Variants in HYDIN observed in about 807,000 individuals in gnomAD.
The protein encoded by HYDIN is axonemal central pair apparatus protein HYDIN.
In HYDIN, 132 loss-of-function variants were observed where a neutral mutation model predicts 403.9. That is an observed-to-expected ratio of 0.33 (90% CI 0.28 to 0.38). HYDIN has a LOEUF of 0.38. Among genes scored for constraint, HYDIN ranks in the 10% least tolerant of loss-of-function variants. HYDIN has a pLI of 1.00. For missense variants in HYDIN, 2,827 were observed against 5,009.5 expected (o/e 0.56, Z 13.15); for synonymous variants, 1,202 against 1,891.7 (o/e 0.64, Z 9.46).
Position 71,186,888 on chromosome 16 carries a change from C to G in HYDIN, c.8G>C (p.Ser3Thr), listed in dbSNP as rs1246436400. The G allele has an allele frequency of 6.2e-7, 1 of 1,608,922 alleles. No individual in the cohort carries two copies. The highest frequency in any genetic ancestry group is 1.7e-5 in the Admixed American group (1 of 59,362). Residue 3 changes from serine (S) to threonine (T), a missense_variant, in exon 2 of 86, where the codon AGT (serine) becomes ACT (threonine). Coordinates refer to ENST00000393567, the MANE Select transcript of HYDIN (RefSeq NM_001270974.2). ...CCCCATGGACTCCTCAAGTCTTCTACTTGTCATTTTTAGTAATTTTTTTTT... is the reference window on the plus strand; with the variant it reads ...CCCCATGGACTCCTCAAGTCTTCTAGTTGTCATTTTTAGTAATTTTTTTTT... MTSRRLEESMGAV... is the reference protein window; with the variant it reads MTTRRLEESMGAV...
chr16:70,920,610 T>C lies in HYDIN; in HGVS notation c.7766A>G (p.Lys2589Arg), dbSNP rs1774395. ...CCATACCTGCTCTCCTTTGGGAAGC[T>C]TGTCGCTCTCTAGGGCCTGCTTCCA... ...LSWKQALESD[K>R]LPKGEQILDI... The change falls in exon 46 of 86, where the codon AAG becomes AGG. Residue 2589 changes from lysine to arginine, a missense_variant. Coordinates refer to ENST00000393567, the MANE Select transcript of HYDIN (RefSeq NM_001270974.2). 2 of 1,613,412 alleles carry C rather than the reference T, an allele frequency of 1.2e-6. No individual in the cohort carries two copies. The highest frequency in any genetic ancestry group is 2.2e-5 in the East Asian group (1 of 44,880).
At chr16:71,048,873 A>G (rs1266421454) in intron 18 of HYDIN, among the ~76,000 whole-genome samples, 1 of 152,196 alleles carries the variant, frequency 6.6e-6, no homozygotes, top group Non-Finnish European at 1.5e-5. Flanking sequence ...CTAAAGTAAA[A>G]GTTAAAAAAA....
At chr16:71,173,066 C>T (rs1030664665) in intron 5 of HYDIN, among the ~76,000 whole-genome samples, 4 of 152,290 alleles carry the variant, frequency 2.6e-5, no homozygotes, top group South Asian at 4.1e-4. Context: ...TAACTGACTA[C>T]GCCATCATCA....
intron 80 of HYDIN, among the ~76,000 whole-genome samples, chr16:70,830,471 A>T (rs959891796): frequency 6.3e-5 from 9 of 143,474 alleles, no homozygotes; most frequent in African/African-American, 2.5e-4. Flanking sequence ...TTTTAGTTGA[A>T]AAAGGAGGAC....
At chr16:70,951,041 C>G (rs535148907) in intron 41 of HYDIN, among the ~76,000 whole-genome samples, 3 of 152,218 alleles carry the variant, frequency 2.0e-5, no homozygotes. Context: ...TCAAGACCAG[C>G]CTGGGCAACA....
At chr16:71,144,625 A>G (rs1482971095) in intron 7 of HYDIN, among the ~76,000 whole-genome samples, 1 of 151,260 alleles carries the variant, frequency 6.6e-6, no homozygotes, top group Non-Finnish European at 1.5e-5. Flanking sequence ...TCTGGTTCAG[A>G]AAAACATTAA....
intron 6 of HYDIN, among the ~76,000 whole-genome samples, chr16:71,158,360 A>G (rs1189622015): frequency 6.6e-6 from 1 of 152,200 alleles, no homozygotes; most frequent in Non-Finnish European, 1.5e-5. Context: ...AATTGTTTCT[A>G]TATTAGGAAA....
At position 70,805,537 on chromosome 16, in the gene HYDIN, T is replaced by A. The variant is rs2035071605; in HGVS notation, c.*2043A>T. Among the ~76,000 whole-genome samples the A allele has an allele frequency of 6.6e-6, 1 of 152,192 alleles. No individual in the cohort carries two copies. The highest frequency in any genetic ancestry group is 2.1e-4 in the South Asian group (1 of 4,832). On this transcript the variant is annotated 3_prime_UTR_variant, in exon 86 of 86. Coordinates refer to ENST00000393567, the MANE Select transcript of HYDIN (RefSeq NM_001270974.2). ...CCCAAATCTCCTAGATCGGACTTCC[T>A]GAGGGTGGGGCTCAGCAATCTGTTT... is the stretch of plus-strand genomic sequence containing the variant.
rs539410025 is a variant in HYDIN, at chr16:71,068,427, T to C, written c.1974+840A>G. Reference sequence around the variant, plus strand: ...TTCTAAATATAAAGGAAAAATAAAGTGAAGATGAAGTCATTGATTTGGAAA... The same window carrying C: ...TTCTAAATATAAAGGAAAAATAAAGCGAAGATGAAGTCATTGATTTGGAAA... On this transcript the variant is annotated intron_variant, in intron 14 of 85. Coordinates refer to ENST00000393567, the MANE Select transcript of HYDIN (RefSeq NM_001270974.2). Among the ~76,000 whole-genome samples the C allele has an allele frequency of 4.6e-5, 7 of 151,980 alleles. 1 individual carries two copies. The highest frequency in any genetic ancestry group is 1.0e-4 in the Non-Finnish European group (7 of 68,018).
Position 70,848,296 on chromosome 16 carries a change from A to C in HYDIN, c.12873+1430T>G, listed in dbSNP as rs554648437. Among the ~76,000 whole-genome samples the C allele has an allele frequency of 1.3e-3, 192 of 151,692 alleles. 1 individual carries two copies. Among genetic ancestry groups the C allele is most frequent in the Non-Finnish European group, 1.7e-3 (114 of 67,892 alleles). On this transcript the variant is annotated intron_variant, in intron 75 of 85. Transcript: ENST00000393567. ...GAACATATTTTAAATAGATGGTTTC[A>C]AGTATTTGTCTATTAAGTCCAACAT...
intron 20 of HYDIN, among the ~76,000 whole-genome samples, chr16:71,026,884 A>G (rs1329830645): frequency 6.6e-6 from 1 of 152,036 alleles, no homozygotes; most frequent in African/African-American, 2.4e-5. Context: ...AAATTTGGCA[A>G]CACAAGCAGG....
intron 5 of HYDIN, 92 bp downstream of exon 5, chr16:71,175,515 C>A: frequency 7.5e-7 from 1 of 1,326,450 alleles, no homozygotes; most frequent in Non-Finnish European, 1.1e-6. Flanking sequence ...ACCACCACCA[C>A]CACCACCAGC....
At chr16:71,187,988 C>A (rs188815665) in intron 1 of HYDIN, among the ~76,000 whole-genome samples, 36 of 152,234 alleles carry the variant, frequency 2.4e-4, no homozygotes, top group Admixed American at 1.8e-3. Flanking sequence ...GATAAGAAAG[C>A]TCAGGTGTTC....
At chr16:70,956,604 T>C (rs956799466) in intron 39 of HYDIN, among the ~76,000 whole-genome samples, 65 of 151,838 alleles carry the variant, frequency 4.3e-4, no homozygotes, top group Non-Finnish European at 2.6e-4. Flanking sequence ...CAATCAACCA[T>C]GGAAGTAGCA....
chr16:70,810,061 C>A, intron 84 of HYDIN, 54 bp from the exon 85 acceptor site: 1 of 1,520,930 alleles, frequency 6.6e-7, no homozygotes, highest in Non-Finnish European at 9.1e-7. Context: ...TCATCACCTG[C>A]CACCTAGAGA....
chr16:70,824,755 A>G (rs1413843658), intron 83 of HYDIN, among the ~76,000 whole-genome samples: 2 of 151,514 alleles, frequency 1.3e-5, no homozygotes, highest in Non-Finnish European at 2.9e-5. Flanking sequence ...GCCACTGCAC[A>G]TGGCTCACTT....
At chr16:71,054,404 T>A (rs951276940) in intron 18 of HYDIN, among the ~76,000 whole-genome samples, 3 of 152,224 alleles carry the variant, frequency 2.0e-5, no homozygotes, top group Admixed American at 6.5e-5. Flanking sequence ...ACACACATTG[T>A]GGGGTGGAAT....
At chr16:70,995,519 T>C (rs888207770) in intron 23 of HYDIN, among the ~76,000 whole-genome samples, 5 of 152,190 alleles carry the variant, frequency 3.3e-5, no homozygotes, top group Non-Finnish European at 7.3e-5. Context: ...ATCACCACAA[T>C]CTTTTGTGCT....
At chr16:71,053,829 T>G (rs1376726468) in intron 18 of HYDIN, among the ~76,000 whole-genome samples, 1 of 152,212 alleles carries the variant, frequency 6.6e-6, no homozygotes, top group Non-Finnish European at 1.5e-5. Flanking sequence ...TGGGGAAAGA[T>G]TAACATGTGT....
Sources: gnomAD v4.1 joint callset for allele counts (sites outside exome capture counted in the v4.1 genomes callset) on GRCh38, gnomAD v4.1.1 for gene constraint, MANE v1.5 for transcripts, NCBI Gene and HGNC (gene_info 2026-07-23, HGNC 2026-07-21) for gene names.